ADAMTS19: variants seen among roughly 807,000 people sequenced by gnomAD.
ADAMTS19 encodes the protein ADAM metallopeptidase with thrombospondin type 1 motif 19.
A neutral mutation model predicts 153.3 loss-of-function variants in ADAMTS19; 93 were observed. The ratio of observed to expected loss-of-function variants is 0.61; its 90% CI spans 0.51 to 0.72. The LOEUF (loss-of-function observed/expected upper bound fraction) is 0.72. Ranked by LOEUF, ADAMTS19 falls within the 30% of genes least tolerant of loss-of-function variation. The pLI, the probability that ADAMTS19 is intolerant of heterozygous loss-of-function variation, is 0.00. For missense variants in ADAMTS19, 1,482 were observed against 1,552.1 expected, an observed-to-expected ratio of 0.95 and a Z score of 0.76; for synonymous variants, 600 against 556.6, an observed-to-expected ratio of 1.08 and a Z score of -1.10.
chr5:129,491,424 A>G (rs558787252), intron 2 of ADAMTS19, among the ~76,000 whole-genome samples: 1 of 152,274 alleles, frequency 6.6e-6, no homozygotes, highest in South Asian at 2.1e-4. Context: ...TGTGAAAAGC[A>G]TTCTGTTATT....
chr5:129,597,364 G>A (rs1248403914), intron 8 of ADAMTS19, among the ~76,000 whole-genome samples: 2 of 152,098 alleles, frequency 1.3e-5, no homozygotes, highest in Non-Finnish European at 2.9e-5. Flanking sequence ...TGTTATTAGT[G>A]TACCCATTTT....
At chr5:129,662,183 G>A (rs764426806) in intron 15 of ADAMTS19, among the ~76,000 whole-genome samples, 3 of 152,070 alleles carry the variant, frequency 2.0e-5, no homozygotes, top group Admixed American at 1.3e-4. Context: ...TTGTTACTTC[G>A]CTGTTGCCAT....
chr5:129,735,539 A>C (rs754172228), intron 22 of ADAMTS19, among the ~76,000 whole-genome samples: 3 of 151,696 alleles, frequency 2.0e-5, no homozygotes, highest in Non-Finnish European at 4.4e-5. Context: ...AGACTAAAAA[A>C]TGTCTTTCAA....
intron 20 of ADAMTS19, among the ~76,000 whole-genome samples, chr5:129,702,941 A>AAAAAATATATATATATATATAT: frequency 6.8e-5 from 2 of 29,298 alleles, no homozygotes; most frequent in African/African-American, 1.7e-4. Flanking sequence ...AAAAAAAAAA[A>AAAAAATATATATATATATATAT]ATATATATAT....
chr5:129,665,203 A>G (rs1314036769), intron 15 of ADAMTS19, among the ~76,000 whole-genome samples: 1 of 143,884 alleles, frequency 7.0e-6, no homozygotes. Context: ...AGGCTGTTCC[A>G]CTGGGTTTTT....
intron 7 of ADAMTS19, among the ~76,000 whole-genome samples, chr5:129,572,610 T>C (rs1753952120): frequency 6.6e-6 from 1 of 151,980 alleles, no homozygotes; most frequent in Non-Finnish European, 1.5e-5. Context: ...GAATTAGTGA[T>C]CCATCTAACT....
At chr5:129,658,321 G>T (rs1169325542) in intron 14 of ADAMTS19, among the ~76,000 whole-genome samples, 1 of 86,334 alleles carries the variant, frequency 1.2e-5, no homozygotes, top group Non-Finnish European at 2.5e-5. Flanking sequence ...AAGAAAGAAA[G>T]AAAGAAAGAA....
intron 6 of ADAMTS19, among the ~76,000 whole-genome samples, chr5:129,531,017 C>T (rs1266307096): frequency 3.3e-5 from 5 of 151,836 alleles, no homozygotes; most frequent in African/African-American, 1.2e-4. Context: ...TGGAAGTGAA[C>T]AATTGGAAAA....
At chr5:129,670,714 T>C (rs773923271) in intron 16 of ADAMTS19, among the ~76,000 whole-genome samples, 2 of 152,170 alleles carry the variant, frequency 1.3e-5, no homozygotes, top group Non-Finnish European at 2.9e-5. Context: ...TTTTCCCCCT[T>C]TTAAACCAGG....
chr5:129,639,293 G>A (rs1752688837), intron 10 of ADAMTS19, among the ~76,000 whole-genome samples: 2 of 152,066 alleles, frequency 1.3e-5, no homozygotes, highest in South Asian at 4.1e-4. Context: ...ACATATCTGA[G>A]GTATTCCACT....
At chr5:129,463,213 G>A (rs1320235617) in intron 2 of ADAMTS19, among the ~76,000 whole-genome samples, 5 of 152,134 alleles carry the variant, frequency 3.3e-5, no homozygotes, top group African/African-American at 1.2e-4. Flanking sequence ...TTCCTGGTGT[G>A]GTAGTAGCAA....
intron 2 of ADAMTS19, among the ~76,000 whole-genome samples, chr5:129,492,427 A>G (rs562845516): frequency 6.6e-6 from 1 of 152,208 alleles, no homozygotes; most frequent in East Asian, 1.9e-4. Flanking sequence ...GTGGTCAAAG[A>G]GATTATTAAA....
chr5:129,490,599 C>G (rs970104560), intron 2 of ADAMTS19, among the ~76,000 whole-genome samples: 5 of 152,148 alleles, frequency 3.3e-5, no homozygotes, highest in Non-Finnish European at 7.4e-5. Context: ...GTTGATACAT[C>G]TACTATCCTG....
At chr5:129,598,963 C>G (rs1750515134) in intron 8 of ADAMTS19, among the ~76,000 whole-genome samples, 1 of 151,978 alleles carries the variant, frequency 6.6e-6, no homozygotes, top group African/African-American at 2.4e-5. Context: ...TAAAAAATTG[C>G]CTGTAAGTGG....
At chr5:129,725,311 T>G (rs1350454743) in intron 21 of ADAMTS19, among the ~76,000 whole-genome samples, 1 of 152,082 alleles carries the variant, frequency 6.6e-6, no homozygotes, top group Non-Finnish European at 1.5e-5. Flanking sequence ...TCTGGGGTCT[T>G]CCATTCCTTC....
intron 21 of ADAMTS19, among the ~76,000 whole-genome samples, chr5:129,718,297 T>C (rs1056682237): frequency 6.6e-6 from 1 of 152,158 alleles, no homozygotes; most frequent in African/African-American, 2.4e-5. Flanking sequence ...GCTATAAATA[T>C]ATGTAAACAT....
At chr5:129,568,100 T>G (rs1011783039) in intron 7 of ADAMTS19, among the ~76,000 whole-genome samples, 15 of 152,050 alleles carry the variant, frequency 9.9e-5, no homozygotes, top group African/African-American at 3.4e-4. Context: ...ACTAAGAGAA[T>G]TCATAGCCAA....
chr5:129,601,693 G>A (rs1034801016), intron 8 of ADAMTS19, among the ~76,000 whole-genome samples: 1 of 152,194 alleles, frequency 6.6e-6, no homozygotes, highest in Non-Finnish European at 1.5e-5. Context: ...CAATGGAGTT[G>A]TGCAGACAGT....
chr5:129,672,485 C>T (rs1754345537), intron 16 of ADAMTS19, among the ~76,000 whole-genome samples: 1 of 152,142 alleles, frequency 6.6e-6, no homozygotes, highest in Admixed American at 6.6e-5. Context: ...GCCACAGGGA[C>T]TCTGTGGACA....
Sources: allele counts gnomAD v4.1 joint callset (sites outside exome capture counted in the v4.1 genomes callset), GRCh38; gene constraint gnomAD v4.1.1; transcripts MANE v1.5; gene names NCBI Gene and HGNC (gene_info 2026-07-23, HGNC 2026-07-21).